JMJD1C: variants seen among roughly 807,000 people sequenced by gnomAD.
JMJD1C encodes the protein jumonji domain containing 1C.
JMJD1C carries 31 observed loss-of-function variants against 245.3 expected under a neutral mutation model. The ratio of observed to expected loss-of-function variants is 0.13; its 90% CI spans 0.09 to 0.17. JMJD1C has a LOEUF of 0.17. Among genes scored for constraint, JMJD1C ranks in the 10% least tolerant of loss-of-function variants. The pLI is 1.00. For missense variants in JMJD1C, 2,691 were observed against 3,000.2 expected (o/e 0.90, Z 2.41); for synonymous variants, 1,057 against 1,017.4 (o/e 1.04, Z -0.74).
intron 2 of JMJD1C, among the ~76,000 whole-genome samples, chr10:63,341,961 T>G (rs1943423063): frequency 6.6e-6 from 1 of 152,160 alleles, no homozygotes; most frequent in Non-Finnish European, 1.5e-5. Flanking sequence ...CTATATTCAG[T>G]GATGATGGTG....
chr10:63,463,011 C>T (rs755548180), intron 1 of JMJD1C, among the ~76,000 whole-genome samples: 10 of 152,084 alleles, frequency 6.6e-5, no homozygotes, highest in Non-Finnish European at 1.2e-4. Flanking sequence ...CCTTCCAAAT[C>T]ATGTGCCACA....
chr10:63,514,608 T>C (rs1173734220), intron 1 of JMJD1C, among the ~76,000 whole-genome samples: 1 of 151,544 alleles, frequency 6.6e-6, no homozygotes, highest in Admixed American at 6.6e-5. Flanking sequence ...ATGGCAACAA[T>C]AGACACTGGA....
At chr10:63,291,531 C>T (rs113265210) in intron 2 of JMJD1C, among the ~76,000 whole-genome samples, 14 of 150,760 alleles carry the variant, frequency 9.3e-5, no homozygotes, top group Non-Finnish European at 1.8e-4. Flanking sequence ...AGGAGAATCG[C>T]TTGAACCCGC....
intron 13 of JMJD1C, 52 bp from the exon 14 acceptor site, chr10:63,194,427 T>C (rs369898034): frequency 3.0e-4 from 363 of 1,206,872 alleles, no homozygotes; most frequent in African/African-American, 2.2e-3. Flanking sequence ...TAATTATAAA[T>C]TGATAGTGTA....
intron 3 of JMJD1C, among the ~76,000 whole-genome samples, chr10:63,230,965 T>C (rs1206684073): frequency 2.6e-5 from 4 of 152,192 alleles, no homozygotes; most frequent in Admixed American, 6.5e-5. Flanking sequence ...CAACACATAA[T>C]ATAATAAAAT....
At chr10:63,215,874 T>G (rs963386381) in intron 5 of JMJD1C, among the ~76,000 whole-genome samples, 178 bp from the exon 6 acceptor site, 1 of 152,208 alleles carries the variant, frequency 6.6e-6, no homozygotes, top group Non-Finnish European at 1.5e-5. Flanking sequence ...TTTAACCTTC[T>G]GAAACTCACC....
At chr10:63,222,180 T>C (rs553490497) in intron 3 of JMJD1C, 2 of 750,954 alleles carry the variant, frequency 2.7e-6, no homozygotes, top group African/African-American at 1.7e-5. Context: ...TTTATCGATA[T>C]TGTTATCAAC....
chr10:63,339,105 G>A (rs562390788), intron 2 of JMJD1C, among the ~76,000 whole-genome samples: 1 of 152,260 alleles, frequency 6.6e-6, no homozygotes, highest in Admixed American at 6.5e-5. Context: ...TCTACAAGCT[G>A]GTAGATACCA....
rs771110401 is a variant in JMJD1C, at chr10:63,183,431, ATTCTT to A, written c.7084+11_7084+15del. ...TCAACTCTTATTTCAAAGACTACTT[ATTCTT>A]TTAAGTTTACCTGCTTTTGAGAGAA... On this transcript the variant is annotated intron_variant, in intron 22 of 25. Transcript: ENST00000399262. The A allele has an allele frequency of 7.5e-6, 12 of 1,600,038 alleles. No homozygotes were observed. The highest frequency in any genetic ancestry group is 1.7e-4 in the Middle Eastern group (1 of 6,020).
Position 63,198,417 on chromosome 10 carries a change from G to C in JMJD1C, c.5491+96C>G, listed in dbSNP as rs1473920819. On this transcript the variant is annotated intron_variant, in intron 12 of 25. Transcript: ENST00000399262. ...ATCATTATCATAATTAAAAATCAAG[G>C]TTAGATAAGATTAGGGACTTCTTTC... 6.7e-6 allele frequency: 5 copies of C among 748,550 alleles called. No homozygotes were observed. The African/African-American group carries it at 8.8e-5, about 13-fold the overall frequency. The allele number at this position is 748,550 out of a possible 1,614,324, so 46.4% of individuals were successfully genotyped here. A position where few individuals can be genotyped will look rare whatever the true frequency, so the allele number is the denominator to read the frequency against.
At position 63,419,839 on chromosome 10, in the gene JMJD1C, A is replaced by T. The variant is rs1035971967; in HGVS notation, c.169-39357T>A. Among the ~76,000 whole-genome samples, 127 of 144,874 alleles carry T rather than the reference A, an allele frequency of 8.8e-4. 1 individual carries two copies. Among genetic ancestry groups the T allele is most frequent in the African/African-American group, 2.1e-3 (80 of 37,506 alleles). On this transcript the variant is annotated intron_variant, in intron 1 of 25. Coordinates refer to ENST00000399262, the MANE Select transcript of JMJD1C (RefSeq NM_032776.3). The stretch of plus-strand genomic sequence containing the variant: ...AATACAAATCCTCCATGAAATAAAA[A>T]AAAAAAAAAAAAAAAAGGCCAGGCG...
chr10:63,330,177 C>G (rs953453542), intron 2 of JMJD1C, among the ~76,000 whole-genome samples: 4 of 152,222 alleles, frequency 2.6e-5, no homozygotes, highest in Non-Finnish European at 4.4e-5. Context: ...GCTGGGACTA[C>G]AGGCGTGAGC....
rs1014859079 is a variant in JMJD1C, at chr10:63,491,790, C to G, written n.113+29948G>C. Among the ~76,000 whole-genome samples, 4 of 152,316 alleles carry G rather than the reference C, an allele frequency of 2.6e-5. 1 individual carries two copies. Among genetic ancestry groups the G allele is most frequent in the Middle Eastern group, 6.8e-3 (2 of 294 alleles). ...AGCAGGTTTGGGCTCCTCACTCTTT[C>G]CAGACAAACAAGGCAACTTTCAGAG... On this transcript the variant is annotated intron_variant and non_coding_transcript_variant, in intron 1 of 3. Transcript: ENST00000633035.
At chr10:63,308,751 CAAAA>C (rs377153800) in intron 2 of JMJD1C, among the ~76,000 whole-genome samples, 1 of 49,856 alleles carries the variant, frequency 2.0e-5, no homozygotes, top group Non-Finnish European at 4.3e-5. Flanking sequence ...CATTTGAGAA[CAAAA>C]AAAAAAAAAA....
intron 2 of JMJD1C, among the ~76,000 whole-genome samples, chr10:63,306,255 A>G (rs1298683855): frequency 1.3e-5 from 2 of 152,006 alleles, no homozygotes; most frequent in African/African-American, 2.4e-5. Context: ...ACACCGGGCT[A>G]ATTTTTGTAT....
chr10:63,264,826 G>A, intron 2 of JMJD1C, 62 bp from the exon 3 acceptor site: 1 of 749,006 alleles, frequency 1.3e-6, no homozygotes, highest in Non-Finnish European at 2.3e-6. Flanking sequence ...AATTATGAAG[G>A]AACACACACC....
intron 3 of JMJD1C, among the ~76,000 whole-genome samples, chr10:63,235,028 C>A (rs1850560839): frequency 6.6e-6 from 1 of 151,740 alleles, no homozygotes; most frequent in Non-Finnish European, 1.5e-5. Context: ...GATTAATGTT[C>A]TAGGAAAAAA....
intron 1 of JMJD1C, among the ~76,000 whole-genome samples, chr10:63,386,746 C>T (rs1359391354): frequency 1.3e-5 from 2 of 152,150 alleles, no homozygotes; most frequent in Non-Finnish European, 2.9e-5. Context: ...GTTGTCTTGC[C>T]ACTGCTACTG....
At chr10:63,384,316 C>T (rs1470684609) in intron 1 of JMJD1C, among the ~76,000 whole-genome samples, 1 of 152,146 alleles carries the variant, frequency 6.6e-6, no homozygotes, top group African/African-American at 2.4e-5. Flanking sequence ...ATACTGAATC[C>T]TTTACAAAAG....
Sources: allele counts gnomAD v4.1 joint callset (sites outside exome capture counted in the v4.1 genomes callset), GRCh38; gene constraint gnomAD v4.1.1; transcripts MANE v1.5; gene names NCBI Gene and HGNC (gene_info 2026-07-23, HGNC 2026-07-21).